The following CHRM5 variants were observed in gnomAD, a reference collection of about 807,000 sequenced individuals.
The protein encoded by CHRM5 is muscarinic acetylcholine receptor M5.
In CHRM5, 18 loss-of-function variants were observed where a neutral mutation model predicts 39.0. The observed-to-expected ratio is 0.46, with a 90% CI of 0.32 to 0.68. The LOEUF is 0.68. Ranked by LOEUF, CHRM5 falls within the 30% of genes least tolerant of loss-of-function variation. The probability of loss-of-function intolerance (pLI) is 0.04; values close to 1 mark genes in which losing one functional copy is unlikely to be tolerated. For synonymous variants in CHRM5, 241 were observed against 246.3 expected (o/e 0.98, Z 0.20); for missense variants, 515 against 651.1 (o/e 0.79, Z 2.28).
chr15:34,009,496 C>T (rs886325825), intron 1 of CHRM5, among the ~76,000 whole-genome samples: 1 of 152,078 alleles, frequency 6.6e-6, no homozygotes, highest in African/African-American at 2.4e-5. Context: ...TATCCAACTA[C>T]AGCTGTCTAC....
intron 1 of CHRM5, among the ~76,000 whole-genome samples, chr15:34,046,085 TA>T (rs1567487084): frequency 6.6e-6 from 1 of 152,216 alleles, no homozygotes; most frequent in Non-Finnish European, 1.5e-5. Flanking sequence ...CACTCCCAGA[TA>T]ACCACTTATA....
intron 2 of CHRM5, among the ~76,000 whole-genome samples, chr15:34,049,888 C>CTTTT (rs61235689): frequency 7.3e-6 from 1 of 137,102 alleles, no homozygotes; most frequent in Non-Finnish European, 1.6e-5. Context: ...TCAACATCAA[C>CTTTT]TTTTTTTTTT....
At chr15:33,994,009 T>C (rs1896834019) in intron 1 of CHRM5, among the ~76,000 whole-genome samples, 1 of 152,216 alleles carries the variant, frequency 6.6e-6, no homozygotes, top group South Asian at 2.1e-4. Context: ...CTTCTGAACA[T>C]ACAGCTGTGA....
At chr15:33,988,684 C>T (rs1211975946) in intron 1 of CHRM5, among the ~76,000 whole-genome samples, 1 of 152,164 alleles carries the variant, frequency 6.6e-6, no homozygotes, top group Non-Finnish European at 1.5e-5. Context: ...GGTGTGCTCA[C>T]TTAACACACA....
chr15:34,015,437 GCA>G (rs1897851257), intron 1 of CHRM5, among the ~76,000 whole-genome samples: 1 of 151,664 alleles, frequency 6.6e-6, no homozygotes, highest in Non-Finnish European at 1.5e-5. Context: ...AGCCGAGATC[GCA>G]CCACTGCACT....
intron 1 of CHRM5, among the ~76,000 whole-genome samples, chr15:34,008,954 G>T (rs2632071): frequency 9.7e-6 from 1 of 103,112 alleles, no homozygotes; most frequent in Admixed American, 1.0e-4. Context: ...GTGCGCGCGC[G>T]CACACACACA....
intron 1 of CHRM5, among the ~76,000 whole-genome samples, chr15:34,000,644 C>T (rs1229201628): frequency 6.6e-6 from 1 of 152,164 alleles, no homozygotes; most frequent in Admixed American, 6.5e-5. Context: ...ACACTGCATA[C>T]TCTAGAATTT....
intron 2 of CHRM5, among the ~76,000 whole-genome samples, chr15:34,047,938 G>C (rs954304629): frequency 3.9e-5 from 6 of 152,052 alleles, no homozygotes; most frequent in African/African-American, 1.5e-4. Flanking sequence ...ATCAAAGGGT[G>C]CACGGGAGAA....
At chr15:34,037,970 AAGAC>A (rs1203466803) in intron 1 of CHRM5, among the ~76,000 whole-genome samples, 3 of 152,198 alleles carry the variant, frequency 2.0e-5, no homozygotes, top group Non-Finnish European at 4.4e-5. Flanking sequence ...AACTCATAAA[AAGAC>A]AGTCCTCTAA....
intron 1 of CHRM5, among the ~76,000 whole-genome samples, chr15:33,980,184 T>C (rs1896072785): frequency 6.6e-6 from 1 of 152,140 alleles, no homozygotes; most frequent in Admixed American, 6.5e-5. Context: ...TGAAGACACA[T>C]TAAAGTATGT....
At chr15:34,042,443 C>G (rs989117946) in intron 1 of CHRM5, among the ~76,000 whole-genome samples, 24 of 149,112 alleles carry the variant, frequency 1.6e-4, no homozygotes, top group Non-Finnish European at 7.4e-5. Flanking sequence ...ACTTGTTGCC[C>G]AGGCTGGAGT....
intron 2 of CHRM5, among the ~76,000 whole-genome samples, chr15:34,052,461 A>G (rs927524012): frequency 6.6e-6 from 1 of 152,184 alleles, no homozygotes. Context: ...CTGTCTTACC[A>G]CTCCTATTCA....
Position 34,062,977 on chromosome 15 carries a change from A to G in CHRM5, c.260A>G (p.Tyr87Cys). The change falls in exon 3 of 3, where the codon TAC (tyrosine) becomes TGC (cysteine). Residue 87 changes from tyrosine to cysteine, a missense_variant. Physicochemically the swap from Tyr to Cys is radical, Grantham distance 194. Transcript: ENST00000383263. ...ATTGGAATCTTCTCCATGAACCTCT[A>G]CACCACCTACATCCTCATGGGACGC... is the stretch of plus-strand genomic sequence containing the variant. ...LIIGIFSMNL[Y>C]TTYILMGRWA... is the part of the protein sequence containing the mutation. 1 of 1,613,904 alleles carries G rather than the reference A, an allele frequency of 6.2e-7. No individual in the cohort carries two copies. Among genetic ancestry groups the G allele is most frequent in the South Asian group, 1.1e-5 (1 of 91,054 alleles).
chr15:34,053,319 A>AAAATATATATATAT (rs775436850), intron 2 of CHRM5, among the ~76,000 whole-genome samples: 2 of 42,102 alleles, frequency 4.8e-5, no homozygotes, highest in African/African-American at 1.6e-4. Context: ...AAAAAAAAAA[A>AAAATATATATATAT]ATATATATAT....
At chr15:33,971,668 T>C (rs1895644509) in intron 1 of CHRM5, among the ~76,000 whole-genome samples, 1 of 152,138 alleles carries the variant, frequency 6.6e-6, no homozygotes, top group Non-Finnish European at 1.5e-5. Flanking sequence ...ATTAAATATA[T>C]ATTTACTTAT....
chr15:34,051,346 TAA>T (rs1346877092), intron 2 of CHRM5, among the ~76,000 whole-genome samples: 1 of 152,144 alleles, frequency 6.6e-6, no homozygotes, highest in Non-Finnish European at 1.5e-5. Context: ...AAAGCAGTGT[TAA>T]GAGGGAAATT....
At chr15:33,985,199 C>T (rs553455503) in intron 1 of CHRM5, among the ~76,000 whole-genome samples, 1 of 152,092 alleles carries the variant, frequency 6.6e-6, no homozygotes, top group African/African-American at 2.4e-5. Flanking sequence ...TTCATGGGTG[C>T]TAGCAGAAGA....
chr15:34,059,255 T>C (rs1247146102), intron 2 of CHRM5, among the ~76,000 whole-genome samples: 4 of 152,206 alleles, frequency 2.6e-5, no homozygotes, highest in Non-Finnish European at 2.9e-5. Flanking sequence ...TATACATGTG[T>C]CCAAAGGAGT....
At chr15:34,027,169 T>C (rs1192156614) in intron 1 of CHRM5, among the ~76,000 whole-genome samples, 1 of 152,096 alleles carries the variant, frequency 6.6e-6, no homozygotes, top group Non-Finnish European at 1.5e-5. Context: ...CAGCTAAATC[T>C]CAGTATGAAC....
Sources: allele counts gnomAD v4.1 joint callset (sites outside exome capture counted in the v4.1 genomes callset), GRCh38; gene constraint gnomAD v4.1.1; transcripts MANE v1.5; gene names NCBI Gene and HGNC (gene_info 2026-07-23, HGNC 2026-07-21).